FAF1: variants seen among roughly 807,000 people sequenced by gnomAD.
The protein encoded by FAF1 is Fas associated factor 1, also known as FAS-associated factor 1.
Under a neutral mutation model 92.5 loss-of-function variants are expected in FAF1, and 25 were observed. The ratio of observed to expected loss-of-function variants is 0.27; its 90% CI spans 0.20 to 0.38. The LOEUF is 0.38. FAF1 is among the 10% of genes least tolerant of loss of function. FAF1 has a pLI of 1.00. For synonymous variants in FAF1, 234 were observed against 273.2 expected (o/e 0.86, Z 1.42); for missense variants, 636 against 793.3 (o/e 0.80, Z 2.38).
rs1646922792 is a variant in FAF1, at chr1:50,498,093, AG to A, written c.1495-6293del. On this transcript the variant is annotated intron_variant, in intron 15 of 18. Transcript: ENST00000396153. ...AAAAATGAAATAGAACAGAAAGCCCAGAAAGAAATCCTCACATATATGTTGG... is the reference window on the plus strand; with the variant it reads ...AAAAATGAAATAGAACAGAAAGCCCAAAAGAAATCCTCACATATATGTTGG... Among the ~76,000 whole-genome samples the A allele has an allele frequency of 3.3e-5, 5 of 152,340 alleles. No homozygotes were observed. The South Asian group carries it at 1.0e-3, about 32-fold the overall frequency.
At chr1:50,956,624 G>A (rs755175046) in intron 1 of FAF1, among the ~76,000 whole-genome samples, 4 of 152,128 alleles carry the variant, frequency 2.6e-5, no homozygotes, top group Non-Finnish European at 5.9e-5. Flanking sequence ...CCAAGTATCC[G>A]TATGCCAAGT....
At chr1:50,734,679 A>G (rs977324749) in intron 6 of FAF1, among the ~76,000 whole-genome samples, 2 of 151,564 alleles carry the variant, frequency 1.3e-5, no homozygotes, top group South Asian at 2.1e-4. Flanking sequence ...GCTTGCATTG[A>G]GCCGAGATCA....
intron 4 of FAF1, among the ~76,000 whole-genome samples, chr1:50,771,011 C>T (rs988708843): frequency 6.6e-6 from 1 of 152,170 alleles, no homozygotes; most frequent in Non-Finnish European, 1.5e-5. Context: ...GAAAGGCTCC[C>T]TATTCAATAA....
intron 1 of FAF1, among the ~76,000 whole-genome samples, chr1:50,876,076 T>C (rs551575305): frequency 4.6e-5 from 7 of 152,306 alleles, no homozygotes; most frequent in East Asian, 1.9e-4. Flanking sequence ...TATAATAGTA[T>C]GTAAAATGTG....
Position 50,764,378 on chromosome 1 carries a change from T to C in FAF1, c.368-19603A>G, listed in dbSNP as rs78848190. Among the ~76,000 whole-genome samples, 1,498 of 152,276 alleles carry C rather than the reference T, an allele frequency of 9.8e-3. 23 individuals are homozygous for C. Among genetic ancestry groups the C allele is most frequent in the African/African-American group, 0.034 (1,420 of 41,548 alleles). On this transcript the variant is annotated intron_variant, in intron 4 of 18. Coordinates refer to ENST00000396153, the MANE Select transcript of FAF1 (RefSeq NM_007051.3). Reference sequence around the variant, plus strand: ...GTACTCAATCGTGTAGAGATTACTATTCAGCCAAAGATTTGCAGAAAGCAT... The same window carrying C: ...GTACTCAATCGTGTAGAGATTACTACTCAGCCAAAGATTTGCAGAAAGCAT...
intron 1 of FAF1, among the ~76,000 whole-genome samples, chr1:50,913,160 A>C (rs769132755): frequency 6.6e-6 from 1 of 152,216 alleles, no homozygotes; most frequent in Non-Finnish European, 1.5e-5. Context: ...TATACATGGC[A>C]TGAGTGCAGG....
At chr1:50,585,224 C>T (rs1339715215) in intron 9 of FAF1, among the ~76,000 whole-genome samples, 1 of 152,186 alleles carries the variant, frequency 6.6e-6, no homozygotes, top group Non-Finnish European at 1.5e-5. Context: ...CATTTCTAAA[C>T]TTTCCACTTC....
At chr1:50,611,294 C>T (rs1652673331) in intron 8 of FAF1, among the ~76,000 whole-genome samples, 1 of 151,984 alleles carries the variant, frequency 6.6e-6, no homozygotes, top group Non-Finnish European at 1.5e-5. Flanking sequence ...TGCTTTTTTC[C>T]ACTTACAAAC....
intron 18 of FAF1, chr1:50,451,762 C>G: frequency 1.2e-6 from 1 of 810,540 alleles, no homozygotes; most frequent in Non-Finnish European, 1.5e-6. Context: ...CATATGGGGA[C>G]AGAAAAGCCC....
At chr1:50,897,971 G>T (rs1644769515) in intron 1 of FAF1, among the ~76,000 whole-genome samples, 1 of 152,104 alleles carries the variant, frequency 6.6e-6, no homozygotes, top group Non-Finnish European at 1.5e-5. Flanking sequence ...AGCCCAATCT[G>T]TTCCATCCAA....
At chr1:50,945,299 TA>T (rs199618409) in intron 1 of FAF1, among the ~76,000 whole-genome samples, 2 of 150,524 alleles carry the variant, frequency 1.3e-5, no homozygotes, top group African/African-American at 4.9e-5. Context: ...ATCAAAACCA[TA>T]AAAAAAAATG....
intron 2 of FAF1, among the ~76,000 whole-genome samples, chr1:50,811,389 T>G (rs1464321111): frequency 2.0e-5 from 3 of 151,914 alleles, no homozygotes; most frequent in Non-Finnish European, 4.4e-5. Context: ...ATACAAAAAT[T>G]AGTAGCATTT....
At chr1:50,912,074 G>A (rs1036316135) in intron 1 of FAF1, among the ~76,000 whole-genome samples, 3 of 151,132 alleles carry the variant, frequency 2.0e-5, no homozygotes, top group South Asian at 2.1e-4. Context: ...AGGACCTGAC[G>A]CACAACGAAG....
intron 3 of FAF1, 128 bp downstream of exon 3, chr1:50,801,503 G>T: frequency 1.9e-6 from 1 of 519,262 alleles, no homozygotes; most frequent in Non-Finnish European, 3.5e-6. Flanking sequence ...ATATCTGAAA[G>T]AACAATGTTA....
chr1:50,649,808 GA>G (rs996651124), intron 8 of FAF1, among the ~76,000 whole-genome samples: 3 of 148,540 alleles, frequency 2.0e-5, no homozygotes, highest in African/African-American at 7.4e-5. Flanking sequence ...AAAAGAAAAA[GA>G]AAAAAATTAG....
At chr1:50,690,694 G>A (rs1430751539) in intron 7 of FAF1, among the ~76,000 whole-genome samples, 1 of 152,132 alleles carries the variant, frequency 6.6e-6, no homozygotes, top group Non-Finnish European at 1.5e-5. Flanking sequence ...TACATAACTT[G>A]TGATTATTAA....
chr1:50,478,762 G>C (rs1646666828), intron 17 of FAF1, among the ~76,000 whole-genome samples: 1 of 151,882 alleles, frequency 6.6e-6, no homozygotes, highest in African/African-American at 2.4e-5. Context: ...AATTTTTCAG[G>C]CATATTTTAT....
chr1:50,828,530 A>G (rs1644124896), intron 2 of FAF1, among the ~76,000 whole-genome samples: 1 of 152,126 alleles, frequency 6.6e-6, no homozygotes, highest in Non-Finnish European at 1.5e-5. Flanking sequence ...TGGCCTTCCA[A>G]AGTGCTGGGA....
intron 1 of FAF1, among the ~76,000 whole-genome samples, chr1:50,909,174 C>A (rs187744551): frequency 6.6e-5 from 10 of 152,274 alleles, no homozygotes; most frequent in Admixed American, 5.2e-4. Context: ...GTTGAAAATT[C>A]TTTTCTTTAA....
Sources: allele counts gnomAD v4.1 joint callset (sites outside exome capture counted in the v4.1 genomes callset), GRCh38; gene constraint gnomAD v4.1.1; transcripts MANE v1.5; gene names NCBI Gene and HGNC (gene_info 2026-07-23, HGNC 2026-07-21).